The following GRID1 variants were observed in gnomAD, a reference collection of about 807,000 sequenced individuals.
GRID1 encodes glutamate ionotropic receptor delta type subunit 1, also known as glutamate receptor ionotropic, delta-1.
A neutral mutation model predicts 98.0 loss-of-function variants in GRID1; 28 were observed. The ratio of observed to expected loss-of-function variants is 0.29; its 90% confidence interval spans 0.21 to 0.39. GRID1 has a LOEUF of 0.39. GRID1 is among the 10% of genes least tolerant of loss of function. The pLI, the probability that GRID1 is intolerant of heterozygous loss-of-function variation, is 1.00. For synonymous variants in GRID1, 553 were observed against 538.5 expected (o/e 1.03, Z -0.37); for missense variants, 1,111 against 1,340.5 (o/e 0.83, Z 2.67).
intron 4 of GRID1, among the ~76,000 whole-genome samples, chr10:85,941,260 C>A (rs745473997): frequency 1.3e-4 from 20 of 152,074 alleles, no homozygotes; most frequent in Non-Finnish European, 2.6e-4. Flanking sequence ...CCTCACAGAG[C>A]CTGAACCTTT....
At chr10:85,608,842 G>A (rs1842701580) in intron 15 of GRID1, among the ~76,000 whole-genome samples, 1 of 152,210 alleles carries the variant, frequency 6.6e-6, no homozygotes, top group Non-Finnish European at 1.5e-5. Flanking sequence ...CTCACTGGAG[G>A]CCGTGGGCTG....
At chr10:86,017,665 C>T (rs1842996726) in intron 4 of GRID1, among the ~76,000 whole-genome samples, 1 of 152,196 alleles carries the variant, frequency 6.6e-6, no homozygotes, top group Non-Finnish European at 1.5e-5. Context: ...ATCCAGAGGG[C>T]CACAGTATCC....
chr10:85,833,524 C>CAA (rs113962227), intron 8 of GRID1, among the ~76,000 whole-genome samples: 6 of 103,890 alleles, frequency 5.8e-5, no homozygotes, highest in African/African-American at 1.4e-4. Flanking sequence ...TAACTCCCAA[C>CAA]AAAAAAAAAA....
rs142631160 is a variant in GRID1, at chr10:86,043,840, A to G, written c.726+94979T>C. 1.3e-3 allele frequency among the ~76,000 whole-genome samples: 192 copies of G among 152,308 alleles called. 1 individual carries two copies. In the East Asian group the frequency reaches 0.02, roughly 16 times the overall value. On this transcript the variant is annotated intron_variant, in intron 4 of 15. Coordinates refer to ENST00000327946, the MANE Select transcript of GRID1 (RefSeq NM_017551.3). Reference sequence around the variant, plus strand: ...ATTTTCTAGAACTTTAAATAACTGGATCTTTACCTACAAGGTGAATTATCC... The same window carrying G: ...ATTTTCTAGAACTTTAAATAACTGGGTCTTTACCTACAAGGTGAATTATCC...
intron 4 of GRID1, among the ~76,000 whole-genome samples, chr10:86,017,650 A>T (rs1842996544): frequency 6.6e-6 from 1 of 152,242 alleles, no homozygotes; most frequent in Non-Finnish European, 1.5e-5. Flanking sequence ...GCTGGCAGAC[A>T]TTCAATCCAG....
chr10:86,276,079 G>C (rs1847265171), intron 2 of GRID1, among the ~76,000 whole-genome samples: 1 of 152,122 alleles, frequency 6.6e-6, no homozygotes, highest in South Asian at 2.1e-4. Flanking sequence ...TGGTTTACTG[G>C]GAGTGTCATA....
At chr10:85,782,842 C>T (rs558007067) in intron 8 of GRID1, among the ~76,000 whole-genome samples, 3 of 152,266 alleles carry the variant, frequency 2.0e-5, no homozygotes, top group South Asian at 2.1e-4. Flanking sequence ...TGTACGTGCA[C>T]GTCTAAATCT....
At chr10:85,777,017 A>G (rs1484296793) in intron 8 of GRID1, among the ~76,000 whole-genome samples, 1 of 152,220 alleles carries the variant, frequency 6.6e-6, no homozygotes, top group African/African-American at 2.4e-5. Flanking sequence ...ATAAAAACAA[A>G]CAGCAAATTT....
At chr10:85,882,996 C>T (rs911741028) in intron 5 of GRID1, among the ~76,000 whole-genome samples, 3 of 152,028 alleles carry the variant, frequency 2.0e-5, no homozygotes. Context: ...AAATTAGAAG[C>T]CTTAACATTG....
chr10:85,766,803 GT>G (rs914735148), intron 8 of GRID1, among the ~76,000 whole-genome samples: 3 of 148,952 alleles, frequency 2.0e-5, no homozygotes, highest in African/African-American at 4.9e-5. Context: ...GGTTTTTCAT[GT>G]TTTTTAGTAT....
At chr10:86,003,675 AG>A (rs1842826749) in intron 4 of GRID1, among the ~76,000 whole-genome samples, 1 of 152,202 alleles carries the variant, frequency 6.6e-6, no homozygotes, top group African/African-American at 2.4e-5. Context: ...TCTTTCCATA[AG>A]GGTTTAGAAG....
chr10:86,306,680 G>A (rs1847762706), intron 2 of GRID1, among the ~76,000 whole-genome samples: 1 of 152,204 alleles, frequency 6.6e-6, no homozygotes. Flanking sequence ...AGAGGGGGAA[G>A]AAGGAGGTCC....
chr10:86,306,879 T>G (rs1273607641), intron 2 of GRID1, among the ~76,000 whole-genome samples: 2 of 152,248 alleles, frequency 1.3e-5, no homozygotes, highest in Non-Finnish European at 2.9e-5. Flanking sequence ...TGATCCACCT[T>G]TGTTGCGATA....
intron 6 of GRID1, among the ~76,000 whole-genome samples, chr10:85,861,739 C>A (rs1450748203): frequency 1.3e-5 from 2 of 152,194 alleles, no homozygotes; most frequent in Non-Finnish European, 2.9e-5. Context: ...ATGGCTGGAA[C>A]AAAGGCCAGC....
chr10:86,089,909 G>A (rs931058287), intron 4 of GRID1, among the ~76,000 whole-genome samples: 10 of 152,016 alleles, frequency 6.6e-5, no homozygotes, highest in African/African-American at 2.4e-4. Context: ...ACCACACCTG[G>A]CTAATTTTTG....
chr10:85,857,118 A>T (rs1208362845), intron 6 of GRID1, among the ~76,000 whole-genome samples: 1 of 152,192 alleles, frequency 6.6e-6, no homozygotes, highest in Non-Finnish European at 1.5e-5. Context: ...AGAGATGAGG[A>T]TTCTGGTGCC....
At chr10:86,083,665 A>C (rs1302471092) in intron 4 of GRID1, among the ~76,000 whole-genome samples, 2 of 152,210 alleles carry the variant, frequency 1.3e-5, no homozygotes, top group African/African-American at 4.8e-5. Context: ...ATTAAATCAC[A>C]AGGAATATAA....
intron 4 of GRID1, among the ~76,000 whole-genome samples, chr10:86,131,642 A>G (rs1027982720): frequency 6.6e-6 from 1 of 152,228 alleles, no homozygotes; most frequent in Non-Finnish European, 1.5e-5. Flanking sequence ...AAATAGAAAC[A>G]ACAGCCAACC....
At chr10:86,197,579 A>C (rs1033355751) in intron 3 of GRID1, among the ~76,000 whole-genome samples, 4 of 152,078 alleles carry the variant, frequency 2.6e-5, no homozygotes, top group African/African-American at 9.7e-5. Flanking sequence ...GCAAGGGCAC[A>C]ATGGTGTGTG....
Sources: gnomAD v4.1 joint callset for allele counts (sites outside exome capture counted in the v4.1 genomes callset) on GRCh38, gnomAD v4.1.1 for gene constraint, MANE v1.5 for transcripts, NCBI Gene and HGNC (gene_info 2026-07-23, HGNC 2026-07-21) for gene names.